Variants in GSDMC observed in about 807,000 individuals in gnomAD.
The protein encoded by GSDMC is gasdermin-C.
In GSDMC, 59 loss-of-function variants were observed where a neutral mutation model predicts 58.0. The ratio of observed to expected loss-of-function variants is 1.02; its 90% CI spans 0.82 to 1.26. The LOEUF (loss-of-function observed/expected upper bound fraction) is 1.26, where lower values mean the gene tolerates loss of function less well. GSDMC is among the 50% of genes most tolerant of loss of function. The pLI, the probability that GSDMC is intolerant of heterozygous loss-of-function variation, is 0.00. For synonymous variants in GSDMC, 241 were observed against 220.2 expected (o/e 1.09, Z -0.83); for missense variants, 659 against 598.5 (o/e 1.10, Z -1.06).
chr8:129,757,801 G>A (rs988182040), intron 6 of GSDMC, among the ~76,000 whole-genome samples: 2 of 152,020 alleles, frequency 1.3e-5, no homozygotes, highest in African/African-American at 4.8e-5. Flanking sequence ...GACCAGCCTG[G>A]GCAACATGGT....
the GSDMC span, chr8:129,729,245 G>A: frequency 3.2e-6 from 2 of 634,806 alleles, no homozygotes; most frequent in East Asian, 6.6e-5. Flanking sequence ...AAGTGAAATA[G>A]GTGGACTTAG....
At chr8:129,708,652 C>T in the GSDMC span, among the ~76,000 whole-genome samples, 6 of 152,248 alleles carry the variant, frequency 3.9e-5, no homozygotes, top group African/African-American at 7.2e-5. Context: ...GCAATGGATT[C>T]GGCACTGGCC....
At chr8:129,745,250 T>C (rs1026860614), downstream of GSDMC, among the ~76,000 whole-genome samples, 1 of 152,228 alleles carries the variant, frequency 6.6e-6, no homozygotes, top group African/African-American at 2.4e-5. Context: ...TTTGAAACCT[T>C]TTTCATATGG....
downstream of GSDMC, among the ~76,000 whole-genome samples, chr8:129,744,596 A>G (rs1717814412): frequency 6.6e-6 from 1 of 152,216 alleles, no homozygotes; most frequent in South Asian, 2.1e-4. Context: ...TAGGGCTGAC[A>G]GCGCAGCTGT....
At chr8:129,753,074 G>A (rs1287607982) in intron 6 of GSDMC, among the ~76,000 whole-genome samples, 1 of 152,186 alleles carries the variant, frequency 6.6e-6, no homozygotes, top group Admixed American at 6.5e-5. Flanking sequence ...AGGACAGAAG[G>A]ACTGCAATGT....
downstream of GSDMC, among the ~76,000 whole-genome samples, chr8:129,746,754 A>G (rs1234240807): frequency 6.6e-6 from 1 of 152,166 alleles, no homozygotes; most frequent in Non-Finnish European, 1.5e-5. Flanking sequence ...AGACCTTTGC[A>G]TGGCTACAAA....
the GSDMC span, among the ~76,000 whole-genome samples, chr8:129,732,398 G>A: frequency 1.3e-5 from 2 of 151,302 alleles, no homozygotes; most frequent in African/African-American, 4.8e-5. Flanking sequence ...GGGGGAAAAG[G>A]GAAAGAAAAA....
At chr8:129,731,128 TA>T in the GSDMC span, among the ~76,000 whole-genome samples, 71 of 152,214 alleles carry the variant, frequency 4.7e-4, no homozygotes, top group Non-Finnish European at 6.9e-4. Flanking sequence ...AATTTTAATA[TA>T]AAAAAACTTT....
At chr8:129,707,742 C>A in the GSDMC span, among the ~76,000 whole-genome samples, 1 of 152,324 alleles carries the variant, frequency 6.6e-6, no homozygotes, top group Non-Finnish European at 1.5e-5. Context: ...TAAGGAAAGA[C>A]TTCAAGGAAA....
the GSDMC span, among the ~76,000 whole-genome samples, chr8:129,713,957 TAAGTA>T: frequency 1.3e-5 from 2 of 152,182 alleles, no homozygotes; most frequent in African/African-American, 4.8e-5. Flanking sequence ...CACTAAATGC[TAAGTA>T]AAGATGTTTG....
At chr8:129,730,351 T>G in the GSDMC span, 3 of 1,312,048 alleles carry the variant, frequency 2.3e-6, no homozygotes, top group African/African-American at 4.5e-5. Context: ...GAAACTGTTA[T>G]GCAAGGAGAT....
intron 6 of GSDMC, among the ~76,000 whole-genome samples, chr8:129,755,244 T>C (rs2033380632): frequency 6.6e-6 from 1 of 151,974 alleles, no homozygotes; most frequent in Non-Finnish European, 1.5e-5. Flanking sequence ...TAGCATACAA[T>C]GGAGTTGCAA....
chr8:129,744,423 T>C (rs1323615793), downstream of GSDMC, among the ~76,000 whole-genome samples: 2 of 152,188 alleles, frequency 1.3e-5, no homozygotes, highest in Admixed American at 6.5e-5. Flanking sequence ...AGGTAATTAT[T>C]TGAAAAATAG....
chr8:129,749,998 G>C lies in GSDMC; in HGVS notation c.1205C>G (p.Ala402Gly), dbSNP rs1175776431. 6.3e-7 allele frequency: 1 copy of C among 1,599,118 alleles called. No individual in the cohort carries two copies. The highest frequency in any genetic ancestry group is 8.5e-7 in the Non-Finnish European group (1 of 1,175,644). Residue 402 changes from alanine (A) to glycine (G), a missense_variant, in exon 12 of 14, where the codon GCC becomes GGC. Coordinates refer to ENST00000276708, the MANE Select transcript of GSDMC (RefSeq NM_031415.3). ...CCTTTAATTACTCTTACCCATTATG[G>C]CTTCAAGGAGATAAAGAATGGGGTC... The part of the protein sequence containing the change: ...PKDPILYLLE[A>G]IMVLSDFQHD...
chr8:129,750,271 A>G (rs2033130073), intron 11 of GSDMC, 152 bp from the exon 12 acceptor site: 1 of 1,029,084 alleles, frequency 9.7e-7, no homozygotes, highest in South Asian at 1.7e-5. Context: ...TGGGGGCGAC[A>G]CTTCCCTGGC....
the GSDMC span, among the ~76,000 whole-genome samples, chr8:129,726,288 A>G: frequency 6.6e-6 from 1 of 152,208 alleles, no homozygotes; most frequent in African/African-American, 2.4e-5. Flanking sequence ...ATATTAATAT[A>G]AAAGGAGACC....
intron 1 of GSDMC, among the ~76,000 whole-genome samples, chr8:129,784,717 A>C (rs151113224): frequency 0.014 from 2,164 of 152,294 alleles, 59 homozygotes; most frequent in African/African-American, 0.049. Flanking sequence ...TAGAGCTGCC[A>C]TACAACCCAG....
At chr8:129,718,643 A>G in the GSDMC span, among the ~76,000 whole-genome samples, 2 of 152,246 alleles carry the variant, frequency 1.3e-5, no homozygotes, top group African/African-American at 4.8e-5. Context: ...AAGGATCTAG[A>G]ACCAGAAATA....
At chr8:129,738,279 C>G in the GSDMC span, among the ~76,000 whole-genome samples, 1 of 149,640 alleles carries the variant, frequency 6.7e-6, no homozygotes, top group Non-Finnish European at 1.5e-5. Flanking sequence ...AGGATCTAGA[C>G]CCATTTGACC....
Sources: gnomAD v4.1 joint callset for allele counts (sites outside exome capture counted in the v4.1 genomes callset) on GRCh38, gnomAD v4.1.1 for gene constraint, MANE v1.5 for transcripts, NCBI Gene and HGNC (gene_info 2026-07-23, HGNC 2026-07-21) for gene names.